The following ATG5 variants were observed in gnomAD, a reference collection of about 807,000 sequenced individuals.
ATG5 encodes autophagy related 5.
In ATG5, 14 loss-of-function variants were observed where a neutral mutation model predicts 36.5. That is an observed-to-expected ratio of 0.38 (90% CI 0.25 to 0.60). The LOEUF (loss-of-function observed/expected upper bound fraction) is 0.60. Among genes scored for constraint, ATG5 ranks in the 20% least tolerant of loss-of-function variants. The probability of loss-of-function intolerance (pLI) is 0.60; values close to 1 mark genes in which losing one functional copy is unlikely to be tolerated. For synonymous variants in ATG5, 95 were observed against 101.5 expected (o/e 0.94, Z 0.38); for missense variants, 195 against 326.7 (o/e 0.60, Z 3.11).
intron 6 of ATG5, 116 bp from the exon 7 acceptor site, chr6:106,202,205 A>G (rs1776459839): frequency 1.5e-6 from 1 of 676,960 alleles, no homozygotes. Context: ...CGGTGTTAGC[A>G]TAATTACACA....
intron 5 of ATG5, among the ~76,000 whole-genome samples, chr6:106,267,938 T>C (rs192602661): frequency 1.2e-4 from 19 of 152,262 alleles, no homozygotes; most frequent in Non-Finnish European, 2.6e-4. Flanking sequence ...GGGAAAAGAC[T>C]TCATGACTAA....
At chr6:106,320,683 G>C (rs941158704) in intron 1 of ATG5, among the ~76,000 whole-genome samples, 1 of 150,762 alleles carries the variant, frequency 6.6e-6, no homozygotes. Context: ...GTAAGTGCTA[G>C]GAAATGCAAG....
intron 2 of ATG5, among the ~76,000 whole-genome samples, chr6:106,314,377 C>T (rs1392814856): frequency 1.3e-5 from 2 of 151,864 alleles, no homozygotes; most frequent in Admixed American, 6.6e-5. Context: ...GCCAACATAG[C>T]GAAACCCTGT....
chr6:106,230,039 C>G (rs529320757), intron 6 of ATG5, among the ~76,000 whole-genome samples: 1 of 152,176 alleles, frequency 6.6e-6, no homozygotes, highest in Non-Finnish European at 1.5e-5. Context: ...ATACAAAGGT[C>G]CGACCAGACC....
intron 6 of ATG5, among the ~76,000 whole-genome samples, chr6:106,218,891 C>T (rs1426563602): frequency 6.6e-6 from 1 of 151,648 alleles, no homozygotes; most frequent in Admixed American, 6.6e-5. Flanking sequence ...AACTTCAAAA[C>T]TTAAATTAAA....
At chr6:106,267,415 A>G (rs1779268449) in intron 5 of ATG5, among the ~76,000 whole-genome samples, 1 of 152,246 alleles carries the variant, frequency 6.6e-6, no homozygotes, top group African/African-American at 2.4e-5. Flanking sequence ...CATACTGCCC[A>G]AAGTAATTTA....
At chr6:106,243,870 T>C (rs1411978537) in intron 6 of ATG5, among the ~76,000 whole-genome samples, 1 of 144,992 alleles carries the variant, frequency 6.9e-6, no homozygotes, top group Non-Finnish European at 1.5e-5. Context: ...TTAAAAAATA[T>C]ATAAAAATAA....
chr6:106,206,213 GC>G (rs1776624742), intron 6 of ATG5, among the ~76,000 whole-genome samples: 1 of 131,808 alleles, frequency 7.6e-6, no homozygotes, highest in African/African-American at 2.8e-5. Flanking sequence ...TATAAAAGAG[GC>G]CCCAGGGAGC....
intron 5 of ATG5, among the ~76,000 whole-genome samples, chr6:106,252,064 C>T (rs1312355604): frequency 6.6e-6 from 1 of 152,190 alleles, no homozygotes. Context: ...TGGTCTTGGA[C>T]TTCTGACCTC....
intron 6 of ATG5, among the ~76,000 whole-genome samples, chr6:106,225,925 AG>A (rs965506181): frequency 6.6e-6 from 1 of 152,234 alleles, no homozygotes; most frequent in Non-Finnish European, 1.5e-5. Flanking sequence ...AGAAATCCAA[AG>A]GGGGTCTGAA....
chr6:106,321,277 G>C (rs1037110828), intron 1 of ATG5, among the ~76,000 whole-genome samples: 1 of 151,606 alleles, frequency 6.6e-6, no homozygotes, highest in Non-Finnish European at 1.5e-5. Context: ...TTAGTACACA[G>C]TTTCCTCATA....
chr6:106,310,171 A>C (rs1211681592), intron 2 of ATG5, among the ~76,000 whole-genome samples: 1 of 152,194 alleles, frequency 6.6e-6, no homozygotes, highest in Non-Finnish European at 1.5e-5. Context: ...CCTGCTTTAA[A>C]GGAGGCACAC....
intron 5 of ATG5, among the ~76,000 whole-genome samples, chr6:106,278,820 TA>T (rs1562252121): frequency 6.6e-6 from 1 of 152,118 alleles, no homozygotes; most frequent in Admixed American, 6.5e-5. Flanking sequence ...ATAACAGACA[TA>T]GAGAGGCCAA....
chr6:106,259,497 A>G (rs1778928785), intron 5 of ATG5, among the ~76,000 whole-genome samples: 1 of 152,214 alleles, frequency 6.6e-6, no homozygotes, highest in South Asian at 2.1e-4. Flanking sequence ...AAATAATGCT[A>G]AAAATACTGG....
intron 5 of ATG5, among the ~76,000 whole-genome samples, chr6:106,262,823 A>G (rs1779080412): frequency 6.6e-6 from 1 of 152,004 alleles, no homozygotes; most frequent in East Asian, 1.9e-4. Flanking sequence ...GGGTTACTAC[A>G]CTTTTCCCAT....
chr6:106,240,108 ACAGAATCC>A (rs1778061124), intron 6 of ATG5, among the ~76,000 whole-genome samples: 1 of 151,836 alleles, frequency 6.6e-6, no homozygotes, highest in South Asian at 2.1e-4. Context: ...TGCTCCCACC[ACAGAATCC>A]CAAACAGCTG....
chr6:106,285,002 T>C (rs1780022472), intron 4 of ATG5, among the ~76,000 whole-genome samples: 1 of 152,170 alleles, frequency 6.6e-6, no homozygotes, highest in Non-Finnish European at 1.5e-5. Flanking sequence ...AACCATTATT[T>C]CTTAAAAATA....
intron 3 of ATG5, among the ~76,000 whole-genome samples, chr6:106,303,012 T>G (rs953294676): frequency 3.3e-5 from 5 of 151,206 alleles, no homozygotes; most frequent in Non-Finnish European, 7.4e-5. Context: ...AAAAAAGAAA[T>G]TAAGGTAAGA....
intron 5 of ATG5, among the ~76,000 whole-genome samples, chr6:106,252,751 T>C (rs182287926): frequency 6.6e-5 from 10 of 152,254 alleles, no homozygotes; most frequent in Non-Finnish European, 1.0e-4. Context: ...GCTAGGACCC[T>C]CATGCAGGAA....
Sources: allele counts gnomAD v4.1 joint callset (sites outside exome capture counted in the v4.1 genomes callset), GRCh38; gene constraint gnomAD v4.1.1; transcripts MANE v1.5; gene names NCBI Gene and HGNC (gene_info 2026-07-23, HGNC 2026-07-21).